The following CRYZL1 variants were observed in gnomAD, a reference collection of about 807,000 sequenced individuals.
The protein encoded by CRYZL1 is crystallin zeta like 1.
In CRYZL1, 34 loss-of-function variants were observed where a neutral mutation model predicts 50.6. That is an observed-to-expected ratio of 0.67 (90% CI 0.51 to 0.89). The LOEUF (loss-of-function observed/expected upper bound fraction) is 0.89, where lower values mean the gene tolerates loss of function less well. CRYZL1 is among the 40% of genes least tolerant of loss of function. The pLI, the probability that CRYZL1 is intolerant of heterozygous loss-of-function variation, is 0.00. For synonymous variants in CRYZL1, 125 were observed against 134.3 expected (o/e 0.93, Z 0.48); for missense variants, 354 against 402.3 (o/e 0.88, Z 1.03).
chr21:33,602,693 T>C (rs1416739521), intron 7 of CRYZL1, among the ~76,000 whole-genome samples: 1 of 152,168 alleles, frequency 6.6e-6, no homozygotes, highest in Admixed American at 6.5e-5. Context: ...TTATATACTA[T>C]ATATGGGAGT....
chr21:33,641,042 G>A (rs2087304249), intron 1 of CRYZL1: 2 of 1,313,914 alleles, frequency 1.5e-6, no homozygotes, highest in African/African-American at 3.0e-5. Flanking sequence ...AATGACATAA[G>A]GGACTCGCAT....
At chr21:33,590,989 T>C (rs1279879910) in intron 12 of CRYZL1, among the ~76,000 whole-genome samples, 173 bp downstream of exon 12, 1 of 152,146 alleles carries the variant, frequency 6.6e-6, no homozygotes, top group African/African-American at 2.4e-5. Flanking sequence ...TAAATGCAGT[T>C]TTTGCCATTA....
At position 33,603,465 on chromosome 21, in the gene CRYZL1, G is replaced by A; in HGVS notation, c.404C>T (p.Ala135Val). 2 of 1,614,152 alleles carry A rather than the reference G, an allele frequency of 1.2e-6. No homozygotes were observed. Among genetic ancestry groups the A allele is most frequent in the Non-Finnish European group, 8.5e-7 (1 of 1,180,024 alleles). Residue 135 changes from alanine (A) to valine (V), a missense_variant, in exon 7 of 13, where the codon GCT (alanine) becomes GTT (valine). Transcript: ENST00000381554. ...SIRDGVRAYT[A>V]LHYLSHLSPG... ...AGAGAGATGAGAAAGATAATGCAGA[G>A]CTGTATAGGCACGCACTCCATCCCG... is the stretch of plus-strand genomic sequence containing the variant.
chr21:33,594,365 GT>G (rs556322762), intron 11 of CRYZL1: 100 of 151,026 alleles, frequency 6.6e-4, no homozygotes, highest in African/African-American at 2.3e-3. Context: ...GTTTCATCAT[GT>G]TAGCCAGGAT....
At chr21:33,628,105 G>A (rs147874343) in intron 2 of CRYZL1, among the ~76,000 whole-genome samples, 43 of 152,152 alleles carry the variant, frequency 2.8e-4, no homozygotes, top group East Asian at 2.7e-3. Flanking sequence ...TGTGGTATTC[G>A]GAATACATTG....
At chr21:33,600,323 T>A (rs1356658328) in intron 8 of CRYZL1, among the ~76,000 whole-genome samples, 1 of 152,216 alleles carries the variant, frequency 6.6e-6, no homozygotes, top group Non-Finnish European at 1.5e-5. Flanking sequence ...CATTAAAGGA[T>A]ATTAGTAGTA....
At chr21:33,640,433 C>T (rs1359341952) in intron 1 of CRYZL1, among the ~76,000 whole-genome samples, 2 of 151,826 alleles carry the variant, frequency 1.3e-5, no homozygotes, top group African/African-American at 4.8e-5. Flanking sequence ...TACTTATTAG[C>T]GGTATGACTT....
chr21:33,620,815 AAAAACAAAAC>A (rs529506005), intron 4 of CRYZL1, among the ~76,000 whole-genome samples: 2 of 151,814 alleles, frequency 1.3e-5, no homozygotes, highest in Non-Finnish European at 2.9e-5. Flanking sequence ...GAAAAAAAAC[AAAAACAAAAC>A]AAAACAAAAC....
intron 6 of CRYZL1, among the ~76,000 whole-genome samples, chr21:33,610,866 G>A (rs1373743759): frequency 6.6e-6 from 1 of 151,082 alleles, no homozygotes. Context: ...CGAGTAGCTG[G>A]GATTACAGGC....
chr21:33,626,278 C>T (rs991269429), intron 2 of CRYZL1, among the ~76,000 whole-genome samples: 12 of 152,114 alleles, frequency 7.9e-5, no homozygotes, highest in Non-Finnish European at 1.5e-4. Flanking sequence ...AATTCTTTAG[C>T]GTCCTTTATT....
intron 11 of CRYZL1, 151 bp from the exon 12 acceptor site, chr21:33,591,358 C>A: frequency 3.0e-6 from 2 of 661,234 alleles, no homozygotes; most frequent in Non-Finnish European, 5.4e-6. Flanking sequence ...TTCTGTAGGA[C>A]GTCAAGTTTA....
At chr21:33,605,955 C>CTG (rs2086810008) in intron 6 of CRYZL1, among the ~76,000 whole-genome samples, 1 of 152,124 alleles carries the variant, frequency 6.6e-6, no homozygotes, top group African/African-American at 2.4e-5. Flanking sequence ...CTGCATTTAG[C>CTG]AACAAACTAG....
chr21:33,624,172 G>A (rs905521813), intron 3 of CRYZL1, among the ~76,000 whole-genome samples: 64 of 152,034 alleles, frequency 4.2e-4, no homozygotes, highest in African/African-American at 1.5e-3. Flanking sequence ...TATAAAATAC[G>A]TAACTTCAAT....
At chr21:33,641,038 A>AT in intron 1 of CRYZL1, 1 of 1,313,258 alleles carries the variant, frequency 7.6e-7, no homozygotes, top group Non-Finnish European at 9.8e-7. Context: ...TTAAAATGAC[A>AT]TAAGGGACTC....
chr21:33,639,338 A>G (rs950408119), intron 1 of CRYZL1, among the ~76,000 whole-genome samples: 1 of 152,232 alleles, frequency 6.6e-6, no homozygotes, highest in African/African-American at 2.4e-5. Flanking sequence ...TTAATATAAT[A>G]TGATCCAGAA....
intron 5 of CRYZL1, 145 bp downstream of exon 5, chr21:33,616,561 G>A (rs2086935168): frequency 6.6e-7 from 1 of 1,513,944 alleles, no homozygotes; most frequent in African/African-American, 1.4e-5. Flanking sequence ...CAACGTGCTG[G>A]GATTACAGAC....
At chr21:33,598,149 A>G (rs2086714735) in intron 9 of CRYZL1, among the ~76,000 whole-genome samples, 1 of 152,216 alleles carries the variant, frequency 6.6e-6, no homozygotes, top group Non-Finnish European at 1.5e-5. Context: ...CTGACAATTA[A>G]CACTGATAGC....
At chr21:33,624,490 AGTG>A (rs2087037383) in intron 3 of CRYZL1, among the ~76,000 whole-genome samples, 190 bp downstream of exon 3, 1 of 152,210 alleles carries the variant, frequency 6.6e-6, no homozygotes, top group Non-Finnish European at 1.5e-5. Flanking sequence ...CAGAGGTTGC[AGTG>A]AGCTGAGATT....
intron 1 of CRYZL1, among the ~76,000 whole-genome samples, chr21:33,636,931 C>T (rs1382285247): frequency 6.6e-6 from 1 of 152,104 alleles, no homozygotes; most frequent in African/African-American, 2.4e-5. Flanking sequence ...TTCAGCTTCC[C>T]GAGTAGCTGG....
Sources: gnomAD v4.1 joint callset for allele counts (sites outside exome capture counted in the v4.1 genomes callset) on GRCh38, gnomAD v4.1.1 for gene constraint, MANE v1.5 for transcripts, NCBI Gene and HGNC (gene_info 2026-07-23, HGNC 2026-07-21) for gene names.